GAS7: variants seen among roughly 807,000 people sequenced by gnomAD.
GAS7 encodes growth arrest specific 7.
GAS7 carries 28 observed loss-of-function variants against 71.1 expected under a neutral mutation model. The observed-to-expected ratio is 0.39, with a 90% CI of 0.29 to 0.54. The LOEUF (loss-of-function observed/expected upper bound fraction) is 0.54, where lower values mean the gene tolerates loss of function less well. GAS7 is among the 20% of genes least tolerant of loss of function. GAS7 has a pLI of 0.62. For synonymous variants in GAS7, 258 were observed against 245.8 expected (o/e 1.05, Z -0.46); for missense variants, 436 against 627.8 (o/e 0.69, Z 3.27).
At position 10,114,808 on chromosome 17, in the gene GAS7, C is replaced by T. The variant is rs959112506; in HGVS notation, c.183+83400G>A. ...CCTAGAACTTGTGCCTCTCACTTCC[C>T]GACACACAGTTTCCTCAATGAGAAG... On this transcript the variant is annotated intron_variant, in intron 1 of 13. Transcript: ENST00000432992. Among the ~76,000 whole-genome samples the T allele has an allele frequency of 9.9e-5, 15 of 152,208 alleles. No homozygotes were observed. The South Asian group carries it at 1.7e-3, about 17-fold the overall frequency.
At chr17:9,994,832 AG>A in intron 2 of GAS7, among the ~76,000 whole-genome samples, 1 of 152,276 alleles carries the variant, frequency 6.6e-6, no homozygotes, top group South Asian at 2.1e-4. Context: ...CAAATTTACA[AG>A]AAAAAAAACA....
At chr17:9,987,186 A>T (rs1330742800) in intron 2 of GAS7, among the ~76,000 whole-genome samples, 1 of 152,064 alleles carries the variant, frequency 6.6e-6, no homozygotes, top group African/African-American at 2.4e-5. Flanking sequence ...GACTGCCCAC[A>T]CTCTACTAAC....
rs147773956 is a variant in GAS7 at position 10,042,439 on chromosome 17, G to A, written c.184-22542C>T. On this transcript the variant is annotated intron_variant, in intron 1 of 13. Coordinates refer to ENST00000432992, the MANE Select transcript of GAS7 (RefSeq NM_201433.2). ...CTCTAGGGTACAGGGTCTCAGGGAC[G>A]CCCCCTTCCTCCATACGTGGCCCCC... Among the ~76,000 whole-genome samples the A allele has an allele frequency of 3.4e-3, 510 of 152,094 alleles. 11 individuals are homozygous for A. Among genetic ancestry groups the A allele is most frequent in the Admixed American group, 0.025 (378 of 15,284 alleles).
intron 1 of GAS7, among the ~76,000 whole-genome samples, chr17:10,195,263 C>G (rs1390070319): frequency 6.6e-6 from 1 of 152,162 alleles, no homozygotes; most frequent in Non-Finnish European, 1.5e-5. Flanking sequence ...TGGGTCAGAT[C>G]TGGTGACTCT....
intron 1 of GAS7, among the ~76,000 whole-genome samples, chr17:10,121,636 T>C (rs1053441792): frequency 2.0e-5 from 3 of 152,212 alleles, no homozygotes; most frequent in African/African-American, 7.2e-5. Context: ...TCTATTATTA[T>C]TAAATGCTCC....
At chr17:10,031,394 G>C (rs2072613443) in intron 1 of GAS7, among the ~76,000 whole-genome samples, 1 of 152,234 alleles carries the variant, frequency 6.6e-6, no homozygotes, top group Non-Finnish European at 1.5e-5. Context: ...CCCTCACAGG[G>C]AAACTTGCCA....
intron 1 of GAS7, among the ~76,000 whole-genome samples, chr17:10,055,649 G>A (rs2073126250): frequency 6.6e-6 from 1 of 152,238 alleles, no homozygotes; most frequent in Non-Finnish European, 1.5e-5. Flanking sequence ...GCCACCGCTG[G>A]AGGCCAGCAG....
chr17:10,088,791 A>G (rs765397333), intron 1 of GAS7, among the ~76,000 whole-genome samples: 5 of 152,144 alleles, frequency 3.3e-5, no homozygotes, highest in South Asian at 4.1e-4. Flanking sequence ...CCCATTTCAG[A>G]GCAGGGAAAA....
rs1461923492 is a variant in GAS7 at position 10,019,851 on chromosome 17, A to T, written c.230T>A (p.Val77Asp). 6 of 1,613,474 alleles carry T rather than the reference A, an allele frequency of 3.7e-6. No individual in the cohort carries two copies. The highest frequency in any genetic ancestry group is 5.1e-6 in the Non-Finnish European group (6 of 1,179,530). ...GCTCTGCCAGCCAGGTGGAAGGATG[A>T]CCGTCTGGCTTTCTTCTCCCGGCGG... ...PPPPGEESQT[V>D]ILPPGWQSYL... The change falls in exon 2 of 14, where the codon GTC (valine) becomes GAC (aspartate). Residue 77 changes from valine to aspartate, a missense_variant. Val to Asp is a radical substitution (Grantham distance 152). Coordinates refer to ENST00000432992, the MANE Select transcript of GAS7 (RefSeq NM_201433.2).
At chr17:10,146,787 A>T (rs1431960708) in intron 1 of GAS7, among the ~76,000 whole-genome samples, 2 of 152,088 alleles carry the variant, frequency 1.3e-5, no homozygotes, top group African/African-American at 2.4e-5. Flanking sequence ...GATCGAGACC[A>T]TCCTGGCTAA....
At chr17:10,147,732 A>G (rs1234275415) in intron 1 of GAS7, among the ~76,000 whole-genome samples, 1 of 152,182 alleles carries the variant, frequency 6.6e-6, no homozygotes, top group East Asian at 1.9e-4. Flanking sequence ...CATGCCAAAG[A>G]TCCAAATATG....
chr17:10,195,042 C>A (rs1190830115), intron 1 of GAS7, among the ~76,000 whole-genome samples: 1 of 152,136 alleles, frequency 6.6e-6, no homozygotes, highest in Non-Finnish European at 1.5e-5. Context: ...AAGAGCTGCA[C>A]CACCCCGAGT....
rs879754706 is a variant in GAS7 at position 10,005,034 on chromosome 17, T to C, written c.304+14743A>G. The stretch of plus-strand genomic sequence containing the variant: ...CTCTCTCTCGCTCTCTCTCTCTATA[T>C]ATACATACATATATATACACATATA... On this transcript the variant is annotated intron_variant, in intron 2 of 13. Coordinates refer to ENST00000432992, the MANE Select transcript of GAS7 (RefSeq NM_201433.2). Among the ~76,000 whole-genome samples the C allele has an allele frequency of 8.3e-3, 1,123 of 135,374 alleles. 15 individuals carry two copies. The highest frequency in any genetic ancestry group is 0.045 in the South Asian group (203 of 4,476). 88.8% of individuals were successfully genotyped at this position (135,374 alleles called of 152,430 possible).
chr17:9,972,046 C>T (rs2069991109), intron 3 of GAS7, among the ~76,000 whole-genome samples: 1 of 152,206 alleles, frequency 6.6e-6, no homozygotes, highest in African/African-American at 2.4e-5. Context: ...GGTTTACCCC[C>T]CGTTCCAGAA....
intron 1 of GAS7, chr17:10,020,125 C>T (rs2072206985): frequency 2.2e-6 from 1 of 455,770 alleles, no homozygotes; most frequent in Non-Finnish European, 4.0e-6. Flanking sequence ...GAGGACAGCT[C>T]CTCTGGGAGC....
At chr17:10,170,157 C>A (rs147803321) in intron 1 of GAS7, among the ~76,000 whole-genome samples, 2,857 of 152,194 alleles carry the variant, frequency 0.019, 43 homozygotes, top group Middle Eastern at 0.031. Context: ...TCTGCTCCCC[C>A]CTCCATCCCC....
chr17:10,049,519 C>T (rs1185078135), intron 1 of GAS7, among the ~76,000 whole-genome samples: 1 of 144,722 alleles, frequency 6.9e-6, no homozygotes, highest in African/African-American at 2.6e-5. Flanking sequence ...TGTTTCAATT[C>T]TATTTCTTTC....
intron 7 of GAS7, among the ~76,000 whole-genome samples, chr17:9,940,900 C>A (rs183760161): frequency 6.6e-6 from 1 of 152,216 alleles, no homozygotes; most frequent in Non-Finnish European, 1.5e-5. Context: ...TTGTTCACCA[C>A]CTAAGTGGTC....
chr17:10,136,076 T>C (rs1169840689), intron 1 of GAS7, among the ~76,000 whole-genome samples: 1 of 152,130 alleles, frequency 6.6e-6, no homozygotes, highest in African/African-American at 2.4e-5. Context: ...TAAAAACAAA[T>C]GCCTCCCAAA....
Sources: gnomAD v4.1 joint callset for allele counts (sites outside exome capture counted in the v4.1 genomes callset) on GRCh38, gnomAD v4.1.1 for gene constraint, MANE v1.5 for transcripts, NCBI Gene and HGNC (gene_info 2026-07-23, HGNC 2026-07-21) for gene names.